The following LHFPL1 variants were observed in gnomAD, a reference collection of about 807,000 sequenced individuals.
The protein encoded by LHFPL1 is LHFPL tetraspan subfamily member 1.
A neutral mutation model predicts 12.1 loss-of-function variants in LHFPL1; 4 were observed. The observed-to-expected ratio is 0.33, with a 90% CI of 0.16 to 0.76. The LOEUF is 0.76. Among genes scored for constraint, LHFPL1 ranks in the 30% least tolerant of loss-of-function variants. The pLI is 0.61. For missense variants in LHFPL1, 141 were observed against 174.1 expected (o/e 0.81, Z 1.07); for synonymous variants, 52 against 61.9 (o/e 0.84, Z 0.75).
At chrX:112,643,459 T>C (rs757559929) in intron 3 of LHFPL1, among the ~76,000 whole-genome samples, 1 of 109,560 alleles carries the variant, frequency 9.1e-6, no homozygotes, top group African/African-American at 3.3e-5. Flanking sequence ...AGGAAACTTA[T>C]CATCATGCCA....
intron 2 of LHFPL1, among the ~76,000 whole-genome samples, chrX:112,669,835 G>C (rs761022536): frequency 3.3e-4 from 37 of 111,551 alleles, no homozygotes; most frequent in African/African-American, 1.0e-3. Context: ...TGTCTTCCAG[G>C]GGGGAGGGGC....
At chrX:112,633,466 T>C (rs1236225533) in intron 3 of LHFPL1, among the ~76,000 whole-genome samples, 1 of 112,590 alleles carries the variant, frequency 8.9e-6, no homozygotes, top group Non-Finnish European at 1.9e-5. Flanking sequence ...CTACTTTCTT[T>C]ACTTAGTCAA....
chrX:112,670,914 G>A, intron 2 of LHFPL1, 95 bp downstream of exon 2: 1 of 946,742 alleles, frequency 1.1e-6, no homozygotes, highest in African/African-American at 2.0e-5. Context: ...ACAAAGTGAA[G>A]GGGGTGAGAA....
At chrX:112,676,878 G>A (rs1683344261) in intron 1 of LHFPL1, among the ~76,000 whole-genome samples, 1 of 112,040 alleles carries the variant, frequency 8.9e-6, no homozygotes, top group Middle Eastern at 4.2e-3. Context: ...AGGTAATGGA[G>A]AACAGCTAGC....
At chrX:112,674,667 C>CA (rs1280544248) in intron 1 of LHFPL1, among the ~76,000 whole-genome samples, 1 of 111,250 alleles carries the variant, frequency 9.0e-6, no homozygotes, top group African/African-American at 3.3e-5. Context: ...TACAAATGGC[C>CA]AACAGATATA....
chrX:112,670,104 G>A (rs1931454049), intron 2 of LHFPL1, among the ~76,000 whole-genome samples: 1 of 112,162 alleles, frequency 8.9e-6, no homozygotes, highest in South Asian at 3.7e-4. Context: ...TCATGCTAAT[G>A]GAGATAATAA....
At chrX:112,650,304 T>C (rs1930818867) in intron 3 of LHFPL1, among the ~76,000 whole-genome samples, 1 of 111,445 alleles carries the variant, frequency 9.0e-6, no homozygotes, top group African/African-American at 3.3e-5. Flanking sequence ...TTGGTCATCT[T>C]AGAAAAGGCC....
rs1172642213 is a variant in LHFPL1 at position 112,671,165 on chromosome X, T to C, written c.226A>G (p.Ile76Val). Reference protein sequence around the residue: ...ECGRYASFNAIPSLAWQMCTV... With the variant: ...ECGRYASFNAVPSLAWQMCTV... ...CACATCTGCCAGGCCAGGCTTGGGA[T>C]GGCATTGAAGCTGGCATAGCGCCCA... The change falls in exon 2 of 4, where the codon ATC becomes GTC. Residue 76 changes from isoleucine to valine, a missense_variant. Transcript: ENST00000371968. 7 of 1,212,232 alleles carry C rather than the reference T, an allele frequency of 5.8e-6. No homozygotes were observed. The highest frequency in any genetic ancestry group is 3.5e-5 in the African/African-American group (2 of 57,891).
intron 3 of LHFPL1, among the ~76,000 whole-genome samples, chrX:112,650,033 T>C (rs1930809632): frequency 2.7e-5 from 3 of 110,810 alleles, no homozygotes; most frequent in South Asian, 7.8e-4. Flanking sequence ...TATTTGGGTG[T>C]CCCCTGTCTA....
chrX:112,634,957 G>A (rs1930296959), intron 3 of LHFPL1, among the ~76,000 whole-genome samples: 1 of 111,590 alleles, frequency 9.0e-6, no homozygotes, highest in African/African-American at 3.3e-5. Flanking sequence ...ATATTCATTG[G>A]CACTGTAAAA....
chrX:112,662,159 C>T (rs890129504), intron 2 of LHFPL1, among the ~76,000 whole-genome samples: 4 of 112,514 alleles, frequency 3.6e-5, no homozygotes, highest in Non-Finnish European at 7.5e-5. Flanking sequence ...ATTACAATCA[C>T]GCCATACTTG....
chrX:112,644,353 G>C, intron 3 of LHFPL1, among the ~76,000 whole-genome samples: 1 of 110,988 alleles, frequency 9.0e-6, no homozygotes, highest in African/African-American at 3.3e-5. Context: ...GATTGCTTTA[G>C]TTTTTATTGT....
intron 3 of LHFPL1, among the ~76,000 whole-genome samples, chrX:112,660,098 C>A (rs754426409): frequency 4.3e-4 from 48 of 112,355 alleles, no homozygotes; most frequent in Non-Finnish European, 8.8e-4. Flanking sequence ...GAACCTGAGA[C>A]ATTCTCAGTG....
At chrX:112,644,247 ATTAC>A (rs1391586483) in intron 3 of LHFPL1, among the ~76,000 whole-genome samples, 3 of 111,390 alleles carry the variant, frequency 2.7e-5, no homozygotes, top group Middle Eastern at 4.3e-3. Flanking sequence ...ATGGGTGGGT[ATTAC>A]TTTCTTTTTT....
chrX:112,643,552 T>C (rs1371726524), intron 3 of LHFPL1, among the ~76,000 whole-genome samples: 1 of 110,440 alleles, frequency 9.1e-6, no homozygotes, highest in Non-Finnish European at 1.9e-5. Context: ...TCATCAGATC[T>C]TGTGAGACTC....
intron 2 of LHFPL1, among the ~76,000 whole-genome samples, chrX:112,667,265 T>C (rs1228957037): frequency 8.9e-6 from 1 of 111,942 alleles, no homozygotes; most frequent in Admixed American, 9.5e-5. Context: ...AATGCTGTTC[T>C]CTTAACAACA....
intron 3 of LHFPL1, among the ~76,000 whole-genome samples, chrX:112,638,178 G>A (rs4829491): frequency 0.25 from 28,222 of 110,847 alleles, 4,035 homozygotes; most frequent in African/African-American, 0.54. Context: ...TTGTTTTTTC[G>A]TCTAATATAC....
rs1018256733 is a variant in LHFPL1, at chrX:112,665,254, G to A, written c.383-4529C>T. On this transcript the variant is annotated intron_variant, in intron 2 of 3. Coordinates refer to ENST00000371968, the MANE Select transcript of LHFPL1 (RefSeq NM_178175.4). ...CACCCAGGCTGGAGTACAATGGCACGATCTCCGCTCACTGCAACCTCCGCC... is the reference window on the plus strand; with the variant it reads ...CACCCAGGCTGGAGTACAATGGCACAATCTCCGCTCACTGCAACCTCCGCC... Among the ~76,000 whole-genome samples, 4 of 106,211 alleles carry A rather than the reference G, an allele frequency of 3.8e-5. No homozygotes were observed. In the South Asian group the frequency reaches 1.3e-3, roughly 35 times the overall value. The allele number at this position is 106,211 out of a possible 115,157, so 92.2% of individuals were successfully genotyped here.
At chrX:112,656,173 T>C (rs1370353457) in intron 3 of LHFPL1, among the ~76,000 whole-genome samples, 4 of 111,677 alleles carry the variant, frequency 3.6e-5, no homozygotes, top group African/African-American at 1.3e-4. Flanking sequence ...CATGACCAAC[T>C]GTGATTTATC....
Sources: allele counts gnomAD v4.1 joint callset (sites outside exome capture counted in the v4.1 genomes callset), GRCh38; gene constraint gnomAD v4.1.1; transcripts MANE v1.5; gene names NCBI Gene and HGNC (gene_info 2026-07-23, HGNC 2026-07-21).